Variants in SMG1 observed in about 807,000 individuals in gnomAD.
SMG1 encodes SMG1 nonsense mediated mRNA decay associated PI3K related kinase, also known as serine/threonine-protein kinase SMG1.
SMG1 carries 22 observed loss-of-function variants against 419.9 expected under a neutral mutation model. The ratio of observed to expected loss-of-function variants is 0.05; its 90% CI spans 0.04 to 0.07. The LOEUF is 0.07. Among genes scored for constraint, SMG1 ranks in the 10% least tolerant of loss-of-function variants. The pLI, the probability that SMG1 is intolerant of heterozygous loss-of-function variation, is 1.00. For missense variants in SMG1, 3,185 were observed against 4,342.0 expected (o/e 0.73, Z 7.49); for synonymous variants, 1,538 against 1,553.5 (o/e 0.99, Z 0.23).
Position 18,915,963 on chromosome 16 carries a change from G to A in SMG1, c.92+9987C>T, listed in dbSNP as rs553271444. Among the ~76,000 whole-genome samples, 3 of 151,528 alleles carry A rather than the reference G, an allele frequency of 2.0e-5. No homozygotes were observed. In the South Asian group the frequency reaches 6.3e-4, roughly 32 times the overall value. On this transcript the variant is annotated intron_variant, in intron 1 of 62. Transcript: ENST00000446231. The stretch of plus-strand genomic sequence containing the variant: ...AGGCATCTGTAATCCCAGCTACTCA[G>A]GTGGCTGAGGCAGAAGAATCACTTG...
intron 36 of SMG1, among the ~76,000 whole-genome samples, chr16:18,848,690 C>T: frequency 6.6e-6 from 1 of 152,098 alleles, no homozygotes; most frequent in East Asian, 1.9e-4. Context: ...TGGTGGATTA[C>T]TGTCAAGGCT....
At position 18,847,864 on chromosome 16, in the gene SMG1, G is replaced by A; in HGVS notation, c.5793C>T (p.Ser1931=). 6.2e-7 allele frequency: 1 copy of A among 1,614,004 alleles called. No individual in the cohort carries two copies. Among genetic ancestry groups the A allele is most frequent in the African/African-American group, 1.3e-5 (1 of 75,054 alleles). ...CAGAGGACAGCTTATCTACAATTTTGCTGTAACAATCCTGCATCATGGCTT... is the reference window on the plus strand; with the variant it reads ...CAGAGGACAGCTTATCTACAATTTTACTGTAACAATCCTGCATCATGGCTT... ...EDQAMMQDCY[S]KIVDKLSSAN... is the part of the protein sequence containing the mutation. Residue 1931 remains serine (S), a synonymous_variant, in exon 37 of 63, where the codon AGC becomes AGT. Coordinates refer to ENST00000446231, the MANE Select transcript of SMG1 (RefSeq NM_015092.5).
Position 18,868,302 on chromosome 16 carries a change from G to C in SMG1, c.3083C>G (p.Thr1028Arg). 1 of 1,479,984 alleles carries C rather than the reference G, an allele frequency of 6.8e-7. No homozygotes were observed. The highest frequency in any genetic ancestry group is 1.4e-5 in the African/African-American group (1 of 72,276). 91.7% of individuals were successfully genotyped at this position (1,479,984 alleles called of 1,614,324 possible). Residue 1028 changes from threonine to arginine, a missense_variant, in exon 22 of 63, where the codon ACG (threonine) becomes AGG (arginine). Physicochemically the swap from Thr to Arg is moderately conservative, Grantham distance 71. This residue lies in a region of SMG1 where 70 missense variants were observed against 185.7 expected (regional missense o/e 0.38). Coordinates refer to ENST00000446231, the MANE Select transcript of SMG1 (RefSeq NM_015092.5). ...CCTCATGATGGAGAGTCGAATCCGC[G>C]TTAGCCAGTCCTGACAAGTTTGGCG... ...TNRQTCQDWL[T>R]RIRLSIMRVG...
Position 18,829,451 on chromosome 16 carries a change from G to C in SMG1, c.9438C>G (p.Ile3146Met). 1 of 1,613,970 alleles carries C rather than the reference G, an allele frequency of 6.2e-7. No individual in the cohort carries two copies. Among genetic ancestry groups the C allele is most frequent in the Non-Finnish European group, 8.5e-7 (1 of 1,179,890 alleles). ...CCAGCTGAGAGAACTTCCCTATCTG[G>C]ATGTTATGTTCCACCGCTTTCTTAC... Reference protein sequence around the residue: ...DLCKKAVEHNIQIGKFSQLVM... With the variant: ...DLCKKAVEHNMQIGKFSQLVM... Residue 3146 changes from isoleucine (I) to methionine (M), a missense_variant, in exon 54 of 63, where the codon ATC becomes ATG. Transcript: ENST00000446231.
At chr16:18,917,631 G>A (rs1252929833) in intron 1 of SMG1, among the ~76,000 whole-genome samples, 1 of 150,846 alleles carries the variant, frequency 6.6e-6, no homozygotes, top group East Asian at 2.1e-4. Flanking sequence ...AAGCTGGAGT[G>A]CAACGGCGCA....
At position 18,895,059 on chromosome 16, in the gene SMG1, C is replaced by T. The variant is rs184851550; in HGVS notation, c.412+993G>A. ...GTCTCGATCTCCTGACCTCGTGATC[C>T]GCCCGTCTCAGCCTCCCAAAGTGCT... On this transcript the variant is annotated intron_variant, in intron 3 of 62. Transcript: ENST00000446231. Among the ~76,000 whole-genome samples the T allele has an allele frequency of 5.8e-3, 885 of 152,118 alleles. 14 individuals carry two copies. The highest frequency in any genetic ancestry group is 0.023 in the East Asian group (120 of 5,164).
rs1227700182 is a variant in SMG1, at chr16:18,919,695, CACACAA to C, written c.92+6249_92+6254del. On this transcript the variant is annotated intron_variant, in intron 1 of 62. Transcript: ENST00000446231. ...ACACACACACACACACACACACACA[CACACAA>C]TCTCCCTAGAAGCATCAATATTTAC... Among the ~76,000 whole-genome samples the C allele has an allele frequency of 3.0e-4, 38 of 128,026 alleles. No individual in the cohort carries two copies. The South Asian group carries it at 7.8e-3, about 26-fold the overall frequency. 84.0% of individuals were successfully genotyped at this position (128,026 alleles called of 152,430 possible).
At chr16:18,883,027 G>GA (rs1183593195) in intron 9 of SMG1, among the ~76,000 whole-genome samples, 2 of 152,040 alleles carry the variant, frequency 1.3e-5, no homozygotes, top group East Asian at 3.8e-4. Context: ...TGGGGGCAAA[G>GA]AAAAAACAAC....
chr16:18,916,027 C>A (rs1446511787), intron 1 of SMG1, among the ~76,000 whole-genome samples: 1 of 136,140 alleles, frequency 7.3e-6, no homozygotes, highest in Non-Finnish European at 1.5e-5. Flanking sequence ...CGTGATCACA[C>A]CATTGCACTC....
At position 18,866,664 on chromosome 16, in the gene SMG1, T is replaced by G. The variant is rs563883658; in HGVS notation, c.3307A>C (p.Asn1103His). 120 of 1,595,494 alleles carry G rather than the reference T, an allele frequency of 7.5e-5. 1 individual carries two copies. Among genetic ancestry groups the G allele is most frequent in the South Asian group, 4.3e-4 (39 of 90,942 alleles). The change falls in exon 23 of 63, where the codon AAT becomes CAT. Residue 1103 changes from asparagine (N) to histidine (H), a missense_variant. Physicochemically the swap from Asn to His is moderately conservative, Grantham distance 68. Around this residue, in one of 27 missense-constraint regions of SMG1, gnomAD observed 121 missense variants for 125.4 expected, o/e 0.96. Coordinates refer to ENST00000446231, the MANE Select transcript of SMG1 (RefSeq NM_015092.5). ...AVWSSSIVGK[N>H]LLWINSVAQQ... ...GCCACTGAGTTAATCCACAGAAGAT[T>G]TTTTCCAACAATAGATGATGACCAG...
chr16:18,852,417 T>C lies in SMG1; in HGVS notation c.4814A>G (p.Tyr1605Cys), dbSNP rs769833716. 1 of 1,608,628 alleles carries C rather than the reference T, an allele frequency of 6.2e-7. No individual in the cohort carries two copies. Among genetic ancestry groups the C allele is most frequent in the South Asian group, 1.1e-5 (1 of 89,896 alleles). Residue 1605 changes from tyrosine (Y) to cysteine (C), a missense_variant, in exon 32 of 63, where the codon TAT (tyrosine) becomes TGT (cysteine). Physicochemically the swap from Tyr to Cys is radical, Grantham distance 194. This residue lies in a region of SMG1 where 493 missense variants were observed against 552.9 expected (regional missense o/e 0.89). Transcript: ENST00000446231. The stretch of plus-strand genomic sequence containing the variant: ...AGGTGCCTGTACTGAAGACAGGTGA[T>C]ACAACTGTCCCAAAATGAAGTCAGG... ...GEPDFILGQL[Y>C]HLSSVQAPEV...
intron 1 of SMG1, among the ~76,000 whole-genome samples, chr16:18,920,247 T>C (rs1452921474): frequency 7.9e-5 from 12 of 152,002 alleles, no homozygotes; most frequent in African/African-American, 2.7e-4. Context: ...CCGGGTGTGG[T>C]GGCACATGCC....
rs116175595 is a variant in SMG1 at position 18,850,216 on chromosome 16, T to C, written c.5283+21A>G. On this transcript the variant is annotated intron_variant, in intron 34 of 62. Transcript: ENST00000446231. ...GAAAAAGTTTCCAAAATAAATTTTC[T>C]TAGAACACTGTGCTACATACTTGAC... 6.4e-4 allele frequency: 1,015 copies of C among 1,587,536 alleles called. 6 individuals carry two copies. In the African/African-American group the frequency reaches 0.012, roughly 19 times the overall value.
intron 60 of SMG1, among the ~76,000 whole-genome samples, chr16:18,812,629 CACAT>C (rs1202803910): frequency 7.2e-6 from 1 of 139,636 alleles, no homozygotes. Flanking sequence ...CATATATATA[CACAT>C]ATATATACAC....
Position 18,841,323 on chromosome 16 carries a change from G to C in SMG1, c.6696+242C>G, listed in dbSNP as rs184886137. On this transcript the variant is annotated intron_variant, in intron 41 of 62. Transcript: ENST00000446231. ...GCCTGTAGCAGAATTGCTTGAACCT[G>C]GGAGGCAGAAGTTGCAGTGACCCAA... Among the ~76,000 whole-genome samples, 41 of 150,468 alleles carry C rather than the reference G, an allele frequency of 2.7e-4. 1 individual carries two copies. The East Asian group carries it at 7.5e-3, about 27-fold the overall frequency.
chr16:18,832,698 T>G lies in SMG1; in HGVS notation c.8792+242A>C, dbSNP rs186813911. On this transcript the variant is annotated intron_variant, in intron 51 of 62. Transcript: ENST00000446231. The stretch of plus-strand genomic sequence containing the variant: ...GGTTTCATAGTGTTACTATAGATAC[T>G]AACACTGAAGGAAGGATGAAGCATG... Among the ~76,000 whole-genome samples the G allele has an allele frequency of 2.8e-4, 43 of 152,018 alleles. No individual in the cohort carries two copies. The East Asian group carries it at 8.3e-3, about 29-fold the overall frequency.
intron 11 of SMG1, chr16:18,877,515 T>C (rs1440437484): frequency 3.6e-6 from 1 of 277,596 alleles, no homozygotes; most frequent in South Asian, 4.8e-5. Flanking sequence ...TCCTGTATGA[T>C]ACTGGTAATA....
At chr16:18,866,993 C>T (rs1249890550) in intron 22 of SMG1, among the ~76,000 whole-genome samples, 1 of 152,160 alleles carries the variant, frequency 6.6e-6, no homozygotes, top group East Asian at 1.9e-4. Flanking sequence ...TGGATGTTTG[C>T]ACCCCCACCC....
chr16:18,875,207 A>T (rs988648254), intron 13 of SMG1: 2 of 152,612 alleles, frequency 1.3e-5, no homozygotes, highest in African/African-American at 4.8e-5. Flanking sequence ...TTGGGGCATC[A>T]TACTGGTGCT....
Sources: allele counts gnomAD v4.1 joint callset (sites outside exome capture counted in the v4.1 genomes callset), GRCh38; gene constraint gnomAD v4.1.1; regional missense constraint gnomAD v4.1.1; transcripts MANE v1.5; gene names NCBI Gene and HGNC (gene_info 2026-07-23, HGNC 2026-07-21).